SCHIP1: variants seen among roughly 807,000 people sequenced by gnomAD.
SCHIP1 encodes schwannomin-interacting protein 1.
SCHIP1 carries 8 observed loss-of-function variants against 29.7 expected under a neutral mutation model. The observed-to-expected ratio is 0.27, with a 90% CI of 0.16 to 0.49. The LOEUF (loss-of-function observed/expected upper bound fraction) is 0.49. Among genes scored for constraint, SCHIP1 ranks in the 20% least tolerant of loss-of-function variants. The pLI is 0.99. For missense variants in SCHIP1, 193 were observed against 294.6 expected (o/e 0.66, Z 2.52); for synonymous variants, 76 against 94.9 (o/e 0.80, Z 1.16).
chr3:159,731,966 C>T, the SCHIP1 span, among the ~76,000 whole-genome samples: 8 of 152,158 alleles, frequency 5.3e-5, no homozygotes, highest in East Asian at 1.6e-3. Context: ...CCTGTCTCAG[C>T]CTCCTGAGTA....
the SCHIP1 span, among the ~76,000 whole-genome samples, chr3:159,633,775 C>T: frequency 6.6e-6 from 1 of 151,804 alleles, no homozygotes; most frequent in East Asian, 1.9e-4. Context: ...TTTAGCAAAA[C>T]AAGAAAATAA....
chr3:159,559,146 T>C, the SCHIP1 span, among the ~76,000 whole-genome samples: 5,830 of 152,224 alleles, frequency 0.038, 250 homozygotes, highest in East Asian at 0.17. Context: ...AGTACATTTT[T>C]TAAAAAGAAG....
chr3:159,319,224 G>C, the SCHIP1 span, among the ~76,000 whole-genome samples: 1 of 152,150 alleles, frequency 6.6e-6, no homozygotes. Flanking sequence ...GCCTTCTCCT[G>C]TTCTGGACCC....
the SCHIP1 span, among the ~76,000 whole-genome samples, chr3:159,697,740 T>C: frequency 6.6e-6 from 1 of 152,256 alleles, no homozygotes; most frequent in East Asian, 1.9e-4. Context: ...AAAAGTGATA[T>C]TGAAATGGAT....
the SCHIP1 span, among the ~76,000 whole-genome samples, chr3:159,440,734 T>A: frequency 6.6e-6 from 1 of 152,180 alleles, no homozygotes. Flanking sequence ...ATTTTTGTAT[T>A]ATTATATAAA....
chr3:159,593,995 A>G, the SCHIP1 span, among the ~76,000 whole-genome samples: 1 of 152,180 alleles, frequency 6.6e-6, no homozygotes, highest in African/African-American at 2.4e-5. Context: ...AGAGTAGAAA[A>G]CACCAAGATT....
At chr3:159,572,934 G>GT in the SCHIP1 span, among the ~76,000 whole-genome samples, 17,923 of 140,054 alleles carry the variant, frequency 0.13, 1,284 homozygotes, top group Middle Eastern at 0.22. Flanking sequence ...GCAACCTCTG[G>GT]TTTTTTTTTT....
At chr3:159,851,344 C>T (rs550084469) in intron 1 of SCHIP1, among the ~76,000 whole-genome samples, 1 of 152,282 alleles carries the variant, frequency 6.6e-6, no homozygotes, top group African/African-American at 2.4e-5. Context: ...TTATTTCTTA[C>T]AGAGGCAGCC....
intron 1 of SCHIP1, among the ~76,000 whole-genome samples, chr3:159,854,360 T>C (rs1050121610): frequency 2.6e-5 from 4 of 152,228 alleles, no homozygotes; most frequent in Non-Finnish European, 4.4e-5. Context: ...AATATGGTAG[T>C]TTATATCTTA....
chr3:159,803,063 A>T, the SCHIP1 span, among the ~76,000 whole-genome samples: 7 of 152,164 alleles, frequency 4.6e-5, no homozygotes, highest in African/African-American at 1.7e-4. Flanking sequence ...CCTCTGCTTA[A>T]ATTCAGTTAG....
At chr3:159,597,890 T>C in the SCHIP1 span, among the ~76,000 whole-genome samples, 1 of 152,170 alleles carries the variant, frequency 6.6e-6, no homozygotes. Flanking sequence ...AGAGGTTTCA[T>C]GGACTGTTTC....
the SCHIP1 span, among the ~76,000 whole-genome samples, chr3:159,502,484 A>T: frequency 2.0e-5 from 3 of 152,080 alleles, no homozygotes; most frequent in African/African-American, 4.8e-5. Flanking sequence ...TTCTTTTTTT[A>T]AAAATTTTAT....
At chr3:159,680,655 TATATAA>T in the SCHIP1 span, among the ~76,000 whole-genome samples, 6 of 83,288 alleles carry the variant, frequency 7.2e-5, no homozygotes, top group African/African-American at 3.3e-4. Context: ...AATATATGTA[TATATAA>T]AATATATATT....
At chr3:159,718,326 C>T in the SCHIP1 span, among the ~76,000 whole-genome samples, 3 of 152,156 alleles carry the variant, frequency 2.0e-5, no homozygotes, top group South Asian at 6.2e-4. Flanking sequence ...TGGCACAAGA[C>T]AGGGATGCCC....
At chr3:159,354,260 T>C in the SCHIP1 span, among the ~76,000 whole-genome samples, 1 of 152,214 alleles carries the variant, frequency 6.6e-6, no homozygotes, top group Non-Finnish European at 1.5e-5. Flanking sequence ...TGGCTTGTGC[T>C]AGACTTAGTG....
chr3:159,302,983 T>C, the SCHIP1 span, among the ~76,000 whole-genome samples: 1 of 152,250 alleles, frequency 6.6e-6, no homozygotes, highest in African/African-American at 2.4e-5. Flanking sequence ...CATTATTGAG[T>C]GCTTATATGA....
At chr3:159,807,120 G>T in the SCHIP1 span, among the ~76,000 whole-genome samples, 2 of 152,078 alleles carry the variant, frequency 1.3e-5, no homozygotes, top group African/African-American at 4.8e-5. Flanking sequence ...GTCCTTCTTT[G>T]GGATACATCG....
the SCHIP1 span, among the ~76,000 whole-genome samples, chr3:159,282,184 T>A: frequency 1.3e-5 from 2 of 152,074 alleles, no homozygotes. Context: ...AATAAAAATT[T>A]ATATAACATT....
the SCHIP1 span, among the ~76,000 whole-genome samples, chr3:159,586,747 C>G: frequency 0.045 from 6,819 of 152,148 alleles, 339 homozygotes; most frequent in African/African-American, 0.13. Context: ...GGGCTTTTCT[C>G]TGCAGACCCC....
Sources: gnomAD v4.1 joint callset for allele counts (sites outside exome capture counted in the v4.1 genomes callset) on GRCh38, gnomAD v4.1.1 for gene constraint, MANE v1.5 for transcripts, NCBI Gene and HGNC (gene_info 2026-07-23, HGNC 2026-07-21) for gene names.